Variants in SI observed in about 807,000 individuals in gnomAD.
The protein encoded by SI is sucrase-isomaltase, intestinal.
Under a neutral mutation model 253.3 loss-of-function variants are expected in SI, and 235 were observed. The ratio of observed to expected loss-of-function variants is 0.93; its 90% confidence interval spans 0.83 to 1.03. The LOEUF (loss-of-function observed/expected upper bound fraction) is 1.03. Among genes scored for constraint, SI ranks in the 50% least tolerant of loss-of-function variants. The pLI is 0.00. For missense variants in SI, 2,442 were observed against 2,211.1 expected (o/e 1.10, Z -2.09); for synonymous variants, 819 against 712.0 (o/e 1.15, Z -2.39).
intron 47 of SI, 136 bp from the exon 48 acceptor site, chr3:164,979,566 C>T: frequency 1.8e-6 from 1 of 549,172 alleles, no homozygotes; most frequent in Admixed American, 3.0e-5. Flanking sequence ...AATTTTTACT[C>T]TCAGAAAGTT....
At chr3:164,993,996 C>T (rs994275407) in intron 41 of SI, among the ~76,000 whole-genome samples, 11 of 151,704 alleles carry the variant, frequency 7.3e-5, no homozygotes, top group African/African-American at 2.4e-4. Context: ...TAGAACAATA[C>T]CTTGTATACA....
chr3:165,031,333 C>A (rs1235709706), intron 24 of SI, among the ~76,000 whole-genome samples: 2 of 147,688 alleles, frequency 1.4e-5, no homozygotes, highest in Non-Finnish European at 3.0e-5. Context: ...GTATACACAG[C>A]AGAATTATGA....
intron 25 of SI, among the ~76,000 whole-genome samples, chr3:165,024,612 C>A (rs1407536031): frequency 6.6e-6 from 1 of 150,986 alleles, no homozygotes; most frequent in East Asian, 1.9e-4. Flanking sequence ...ATCTGTGTAC[C>A]CTATCCCAGG....
intron 17 of SI, among the ~76,000 whole-genome samples, chr3:165,042,722 A>C (rs13067742): frequency 0.58 from 88,298 of 151,926 alleles, 26,049 homozygotes; most frequent in East Asian, 0.81. Context: ...TTACCTGGAA[A>C]TTACATTGTT....
intron 12 of SI, among the ~76,000 whole-genome samples, chr3:165,057,756 T>G (rs1402415491): frequency 1.3e-5 from 2 of 151,744 alleles, no homozygotes; most frequent in African/African-American, 4.8e-5. Context: ...AAAATATCCT[T>G]CAAACATGGA....
chr3:165,019,711 C>T lies in SI; in HGVS notation c.3314G>A (p.Arg1105His), dbSNP rs763490929. 1.5e-5 allele frequency: 24 copies of T among 1,612,284 alleles called. No individual in the cohort carries two copies. The highest frequency in any genetic ancestry group is 1.7e-5 in the Non-Finnish European group (20 of 1,178,936). Residue 1105 changes from arginine (R) to histidine (H), a missense_variant, in exon 28 of 48, where the codon CGC (arginine) becomes CAC (histidine). Transcript: ENST00000264382. ...FNDQFIQIST[R>H]LPSEYIYGFG... ...ACCATATATATATTCTGATGGCAGGCGAGTCGATATTTGAATGAACTGGTC... is the reference window on the plus strand; with the variant it reads ...ACCATATATATATTCTGATGGCAGGTGAGTCGATATTTGAATGAACTGGTC...
intron 17 of SI, among the ~76,000 whole-genome samples, chr3:165,042,110 C>T (rs1039068726): frequency 6.6e-6 from 1 of 152,000 alleles, no homozygotes; most frequent in South Asian, 2.1e-4. Context: ...ATTATTTCAC[C>T]AATAAATTTC....
chr3:165,010,122 G>A (rs968276317), intron 34 of SI, among the ~76,000 whole-genome samples: 1 of 152,102 alleles, frequency 6.6e-6, no homozygotes, highest in Admixed American at 6.6e-5. Context: ...AAAATGCAGA[G>A]AGTAGGAAAT....
intron 5 of SI, among the ~76,000 whole-genome samples, chr3:165,068,021 A>C (rs1714337001): frequency 6.6e-6 from 1 of 152,026 alleles, no homozygotes. Flanking sequence ...TGCTGTTTTT[A>C]CTTCCAAATC....
chr3:165,018,690 T>G (rs2108177638), intron 28 of SI, among the ~76,000 whole-genome samples: 1 of 151,544 alleles, frequency 6.6e-6, no homozygotes, highest in Non-Finnish European at 1.5e-5. Context: ...TAATTTATTT[T>G]TAGTAATATG....
In SI at chr3:164,982,382, C is replaced by G. The variant is rs1241047844; in HGVS notation, c.5276G>C (p.Arg1759Thr). 5 of 1,612,104 alleles carry G rather than the reference C, an allele frequency of 3.1e-6. No individual in the cohort carries two copies. The highest frequency in any genetic ancestry group is 1.7e-5 in the Admixed American group (1 of 59,876). Residue 1759 changes from arginine to threonine, a missense_variant, in exon 47 of 48, where the codon AGA becomes ACA. Physicochemically the swap from Arg to Thr is moderately conservative, Grantham distance 71. Transcript: ENST00000264382. Reference protein sequence around the residue: ...QTTLTSTILKRGYINKSETRL... With the variant: ...QTTLTSTILKTGYINKSETRL... ...CGTTTCACTTTTATTTATGTAACCT[C>G]TCTTCAATATAGTGCTTGTTAAGGT...
At chr3:165,061,332 T>C (rs994305628) in intron 9 of SI, among the ~76,000 whole-genome samples, 1 of 151,990 alleles carries the variant, frequency 6.6e-6, no homozygotes, top group Non-Finnish European at 1.5e-5. Context: ...GTTCATGTGA[T>C]AATCACACAC....
chr3:165,081,794 T>C (rs1297755089), upstream of SI, among the ~76,000 whole-genome samples: 1 of 151,696 alleles, frequency 6.6e-6, no homozygotes, highest in Non-Finnish European at 1.5e-5. Flanking sequence ...GCAGGTGCAA[T>C]AGAACACAAA....
intron 15 of SI, among the ~76,000 whole-genome samples, chr3:165,047,909 C>A (rs566149516): frequency 6.6e-6 from 1 of 151,846 alleles, no homozygotes; most frequent in Non-Finnish European, 1.5e-5. Flanking sequence ...CGTTACCTAA[C>A]TATTATTGAT....
chr3:165,047,691 A>C (rs887702673), intron 15 of SI, among the ~76,000 whole-genome samples: 12 of 152,074 alleles, frequency 7.9e-5, no homozygotes, highest in Admixed American at 2.6e-4. Context: ...ATAATATTTA[A>C]AGTAATTGAA....
At chr3:165,029,019 T>C (rs367588052) in intron 25 of SI, among the ~76,000 whole-genome samples, 1 of 151,458 alleles carries the variant, frequency 6.6e-6, no homozygotes, top group South Asian at 2.1e-4. Context: ...CTTCACCATC[T>C]ATACATCTGA....
chr3:165,023,700 T>G lies in SI; in HGVS notation c.2969A>C (p.Tyr990Ser). The change falls in exon 26 of 48, where the codon TAT (tyrosine) becomes TCT (serine). Residue 990 changes from tyrosine (Y) to serine (S), a missense_variant. Coordinates refer to ENST00000264382, the MANE Select transcript of SI (RefSeq NM_001041.4). Reference protein sequence around the residue: ...DNSYSVNSARYSSMGITADLQ... With the variant: ...DNSYSVNSARSSSMGITADLQ... ...GTCAGCTGTTATACCCATGGATGAA[T>G]AGCGAGCTGAGTTGACTGAATAAGA... is the stretch of plus-strand genomic sequence containing the variant. 6.2e-7 allele frequency: 1 copy of G among 1,610,774 alleles called. No individual in the cohort carries two copies. The highest frequency in any genetic ancestry group is 8.5e-7 in the Non-Finnish European group (1 of 1,177,798).
intron 45 of SI, among the ~76,000 whole-genome samples, chr3:164,984,708 T>C (rs898060614): frequency 1.4e-4 from 22 of 152,128 alleles, no homozygotes; most frequent in African/African-American, 5.1e-4. Flanking sequence ...TGTTAACAAG[T>C]TTTAGGAGAA....
At chr3:165,056,143 A>G (rs924385354) in intron 12 of SI, among the ~76,000 whole-genome samples, 1 of 152,162 alleles carries the variant, frequency 6.6e-6, no homozygotes, top group Non-Finnish European at 1.5e-5. Context: ...TTGTATCCAA[A>G]CATTTCAAAT....
Sources: gnomAD v4.1 joint callset for allele counts (sites outside exome capture counted in the v4.1 genomes callset) on GRCh38, gnomAD v4.1.1 for gene constraint, MANE v1.5 for transcripts, NCBI Gene and HGNC (gene_info 2026-07-23, HGNC 2026-07-21) for gene names.